HMCN1: variants seen among roughly 807,000 people sequenced by gnomAD.
The protein encoded by HMCN1 is hemicentin-1.
HMCN1 carries 321 observed loss-of-function variants against 625.9 expected under a neutral mutation model. The observed-to-expected ratio is 0.51, with a 90% CI of 0.47 to 0.56. The LOEUF (loss-of-function observed/expected upper bound fraction) is 0.56. Among genes scored for constraint, HMCN1 ranks in the 20% least tolerant of loss-of-function variants. The pLI is 0.00. For missense variants in HMCN1, 6,588 were observed against 6,887.3 expected, an observed-to-expected ratio of 0.96 and a Z score of 1.54; for synonymous variants, 2,425 against 2,417.6, an observed-to-expected ratio of 1.00 and a Z score of -0.09.
rs200641304 is a variant in HMCN1, at chr1:186,189,627, C to T, written c.16657C>T (p.Arg5553Trp). The change falls in exon 107 of 107, where the codon CGG becomes TGG. Residue 5553 changes from arginine (R) to tryptophan (W), a missense_variant. By Grantham distance (101) the Arg-to-Trp change is moderately radical. Coordinates refer to ENST00000271588, the MANE Select transcript of HMCN1 (RefSeq NM_031935.3). ...FGIATNQDLI[R>W]LVAYTQDGVM... is the part of the protein sequence containing the mutation. ...AATAGCCACCAATCAAGATTTAATC[C>T]GGCTGGTTGCATACACACAGGATGG... 1.1e-4 allele frequency: 184 copies of T among 1,612,748 alleles called. 1 individual carries two copies. The highest frequency in any genetic ancestry group is 1.2e-4 in the Non-Finnish European group (142 of 1,179,254).
At chr1:186,127,088 CTCA>C (rs1661685812) in intron 82 of HMCN1, among the ~76,000 whole-genome samples, 1 of 151,982 alleles carries the variant, frequency 6.6e-6, no homozygotes, top group Non-Finnish European at 1.5e-5. Flanking sequence ...ATAAGAATGA[CTCA>C]AATGTTTGAG....
chr1:186,140,139 A>C lies in HMCN1; in HGVS notation c.13924+2167A>C, dbSNP rs147282963. 2.8e-4 allele frequency among the ~76,000 whole-genome samples: 42 copies of C among 152,258 alleles called. No homozygotes were observed. The East Asian group carries it at 7.9e-3, about 29-fold the overall frequency. On this transcript the variant is annotated intron_variant, in intron 89 of 106. Coordinates refer to ENST00000271588, the MANE Select transcript of HMCN1 (RefSeq NM_031935.3). ...GGGAAATTTTAACATTGATACTACT[A>C]TTATCTAATTTCATTATCTAATCTG...
At position 186,061,952 on chromosome 1, in the gene HMCN1, C is replaced by T. The variant is rs367768313; in HGVS notation, c.7414C>T (p.Leu2472Phe). The change falls in exon 47 of 107, where the codon CTT (leucine) becomes TTT (phenylalanine). Residue 2472 changes from leucine (L) to phenylalanine (F), a missense_variant. By Grantham distance (22) the Leu-to-Phe change is conservative. This residue lies in a region of HMCN1 where 4,628 missense variants were observed against 4,853.1 expected (regional missense o/e 0.95). Coordinates refer to ENST00000271588, the MANE Select transcript of HMCN1 (RefSeq NM_031935.3). ...AAGEERKIFG[L>F]SVLVPPHIVG... ...TGGTGAAGAAAGAAAAATCTTTGGGCTTTCAGTATTAGGTACTTATATAGT... is the reference window on the plus strand; with the variant it reads ...TGGTGAAGAAAGAAAAATCTTTGGGTTTTCAGTATTAGGTACTTATATAGT... 31 of 1,599,384 alleles carry T rather than the reference C, an allele frequency of 1.9e-5. No homozygotes were observed. Among genetic ancestry groups the T allele is most frequent in the Non-Finnish European group, 2.6e-5 (30 of 1,167,124 alleles).
At chr1:185,830,793 T>C (rs1660810639) in intron 1 of HMCN1, among the ~76,000 whole-genome samples, 1 of 151,510 alleles carries the variant, frequency 6.6e-6, no homozygotes, top group Non-Finnish European at 1.5e-5. Context: ...GAGGCTGAGG[T>C]GGAAGGATCT....
intron 4 of HMCN1, among the ~76,000 whole-genome samples, chr1:185,886,751 A>AT (rs1168090470): frequency 6.6e-6 from 1 of 151,980 alleles, no homozygotes; most frequent in African/African-American, 2.4e-5. Flanking sequence ...GCAATAATTT[A>AT]TTTTTTCTTG....
At position 186,016,151 on chromosome 1, in the gene HMCN1, T is replaced by A. The variant is rs755879982; in HGVS notation, c.5103T>A (p.Ser1701Arg). 1 of 1,613,418 alleles carries A rather than the reference T, an allele frequency of 6.2e-7. No homozygotes were observed. ...EAGGKKLEIMSAQEIDRGQYI... is the reference protein window; with the variant it reads ...EAGGKKLEIMRAQEIDRGQYI... ...GTGGGAAGAAACTCGAAATCATGAG[T>A]GCCCAAGAAATTGATCGAGGACAGT... is the stretch of plus-strand genomic sequence containing the variant. Residue 1701 changes from serine to arginine, a missense_variant, in exon 32 of 107, where the codon AGT (serine) becomes AGA (arginine). Physicochemically the swap from Ser to Arg is moderately radical, Grantham distance 110. Coordinates refer to ENST00000271588, the MANE Select transcript of HMCN1 (RefSeq NM_031935.3).
rs1667110965 is a variant in HMCN1, at chr1:185,923,649, C to T, written c.1281C>T (p.Val427=). The change falls in exon 8 of 107, where the codon GTC becomes GTT. Residue 427 remains valine, a synonymous_variant. Coordinates refer to ENST00000271588, the MANE Select transcript of HMCN1 (RefSeq NM_031935.3). The part of the protein sequence containing the change: ...RVSSVSFSSI[V]PDAPKVTMPE... ...CAAGTGTTTCCTTTTCTAGTATTGT[C>T]CCAGGTGAGACATCATTTTATTCAA... 1.3e-6 allele frequency: 2 copies of T among 1,599,434 alleles called. No homozygotes were observed. Among genetic ancestry groups the T allele is most frequent in the Non-Finnish European group, 1.7e-6 (2 of 1,174,208 alleles).
chr1:186,122,971 C>T lies in HMCN1; in HGVS notation c.12250C>T (p.His4084Tyr), dbSNP rs41317489. 20,871 of 1,613,838 alleles carry T rather than the reference C, an allele frequency of 0.013. 177 individuals carry two copies. The highest frequency in any genetic ancestry group is 0.023 in the Middle Eastern group (140 of 5,960). Reference protein sequence around the residue: ...NVQVPPVISPHLKEYVIAVDK... With the variant: ...NVQVPPVISPYLKEYVIAVDK... ...TTTAGTTCCTCCAGTCATTAGCCCT[C>T]ATCTAAAGGAATATGTTATTGCTGT... The change falls in exon 81 of 107, where the codon CAT becomes TAT. Residue 4084 changes from histidine (H) to tyrosine (Y), a missense_variant. Transcript: ENST00000271588.
chr1:185,919,090 T>TATATATAA (rs1491448685), intron 6 of HMCN1, among the ~76,000 whole-genome samples: 1 of 150,108 alleles, frequency 6.7e-6, no homozygotes, highest in African/African-American at 2.5e-5. Context: ...TATATATATA[T>TATATATAA]AATTTTATTA....
At chr1:186,140,493 G>T (rs991424220) in intron 89 of HMCN1, among the ~76,000 whole-genome samples, 3 of 152,116 alleles carry the variant, frequency 2.0e-5, no homozygotes, top group African/African-American at 7.2e-5. Context: ...ATTTCAAAAG[G>T]CACATAATGT....
intron 36 of HMCN1, 135 bp downstream of exon 36, chr1:186,023,288 GTTTTTTTT>G: frequency 1.9e-6 from 1 of 526,514 alleles, no homozygotes; most frequent in East Asian, 3.6e-5. Flanking sequence ...AAAACCTAGG[GTTTTTTTT>G]TTTTTTTTAC....
chr1:186,144,270 A>G lies in HMCN1; in HGVS notation c.14022A>G (p.Pro4674=). The part of the protein sequence containing the change: ...QTRARLCNNP[P]PAFGGSYCDG... ...GAGCAAGACTTTGTAATAACCCACC[A>G]CCAGCGTTTGGTGGGTCCTACTGTG... Residue 4674 remains proline (P), a synonymous_variant, in exon 90 of 107, where the codon CCA becomes CCG. Coordinates refer to ENST00000271588, the MANE Select transcript of HMCN1 (RefSeq NM_031935.3). 2 of 1,614,098 alleles carry G rather than the reference A, an allele frequency of 1.2e-6. No homozygotes were observed. Among genetic ancestry groups the G allele is most frequent in the Non-Finnish European group, 1.7e-6 (2 of 1,180,000 alleles).
chr1:186,040,399 TA>T (rs1221090693), intron 39 of HMCN1, among the ~76,000 whole-genome samples: 2 of 152,098 alleles, frequency 1.3e-5, no homozygotes, highest in Non-Finnish European at 2.9e-5. Context: ...GAGTCAAAAT[TA>T]AAAATATAGA....
At position 185,972,201 on chromosome 1, in the gene HMCN1, C is replaced by G. The variant is rs373671763; in HGVS notation, c.2371+1708C>G. Among the ~76,000 whole-genome samples the G allele has an allele frequency of 3.9e-5, 6 of 152,276 alleles. No homozygotes were observed. The South Asian group carries it at 8.3e-4, about 21-fold the overall frequency. ...GGCTCTAGAGGAAGAGAGAAACAGT[C>G]TCAGTAATTTTTCCCAACAAAAAGG... On this transcript the variant is annotated intron_variant, in intron 15 of 106. Transcript: ENST00000271588.
At chr1:186,163,504 C>G (rs1427023733) in intron 97 of HMCN1, among the ~76,000 whole-genome samples, 2 of 152,178 alleles carry the variant, frequency 1.3e-5, no homozygotes, top group Non-Finnish European at 2.9e-5. Context: ...CTGCCTTGCT[C>G]ATTCTGGGAG....
intron 30 of HMCN1, among the ~76,000 whole-genome samples, chr1:186,011,370 C>T (rs977387272): frequency 2.0e-5 from 3 of 152,148 alleles, no homozygotes; most frequent in African/African-American, 7.2e-5. Flanking sequence ...TGCGATTTTA[C>T]CTATTTCGTC....
chr1:186,010,077 G>A (rs1653895020), intron 30 of HMCN1, among the ~76,000 whole-genome samples: 1 of 152,076 alleles, frequency 6.6e-6, no homozygotes, highest in Admixed American at 6.6e-5. Flanking sequence ...CCTGCTGTAG[G>A]GCCCAGTTCC....
intron 11 of HMCN1, among the ~76,000 whole-genome samples, chr1:185,948,666 T>G (rs895346274): frequency 6.6e-6 from 1 of 151,940 alleles, no homozygotes; most frequent in Non-Finnish European, 1.5e-5. Context: ...CTTCAGGCCA[T>G]CTGGGCATAT....
At chr1:185,992,871 C>T (rs961318309) in intron 22 of HMCN1, among the ~76,000 whole-genome samples, 3 of 151,962 alleles carry the variant, frequency 2.0e-5, no homozygotes, top group South Asian at 4.1e-4. Context: ...AATAATAAAA[C>T]GTTCAAAATA....
Sources: gnomAD v4.1 joint callset for allele counts (sites outside exome capture counted in the v4.1 genomes callset) on GRCh38, gnomAD v4.1.1 for gene constraint, gnomAD v4.1.1 regional missense constraint, MANE v1.5 for transcripts, NCBI Gene and HGNC (gene_info 2026-07-23, HGNC 2026-07-21) for gene names.